Variants in LGALS2 observed in about 807,000 individuals in gnomAD.
The protein encoded by LGALS2 is galectin-2.
A neutral mutation model predicts 10.1 loss-of-function variants in LGALS2; 7 were observed. The ratio of observed to expected loss-of-function variants is 0.70; its 90% CI spans 0.40 to 1.31. LGALS2 has a LOEUF of 1.31. LGALS2 is among the 50% of genes most tolerant of loss of function. The probability of loss-of-function intolerance (pLI) is 0.01; values close to 1 mark genes in which losing one functional copy is unlikely to be tolerated. For missense variants in LGALS2, 167 were observed against 163.6 expected (o/e 1.02, Z -0.11); for synonymous variants, 86 against 64.2 (o/e 1.34, Z -1.63).
At position 37,570,725 on chromosome 22, in the gene LGALS2, T is replaced by G. The variant is rs1925473078; in HGVS notation, c.100A>C (p.Asn34His). 6.2e-7 allele frequency: 1 copy of G among 1,614,202 alleles called. No individual in the cohort carries two copies. Among genetic ancestry groups the G allele is most frequent in the East Asian group, 2.2e-5 (1 of 44,886 alleles). The change falls in exon 3 of 4, where the codon AAT becomes CAT. Residue 34 changes from asparagine (N) to histidine (H), a missense_variant. Transcript: ENST00000215886. ...AGCTTGTCTGTCCCCTGGCCCAGATTAATTACAAAGCTGCAGGAGAAGGGG... is the reference window on the plus strand; with the variant it reads ...AGCTTGTCTGTCCCCTGGCCCAGATGAATTACAAAGCTGCAGGAGAAGGGG... ...IADGTDGFVI[N>H]LGQGTDKLNL...
intron 2 of LGALS2, 134 bp downstream of exon 2, chr22:37,571,715 G>C: frequency 1.4e-6 from 1 of 694,154 alleles, no homozygotes; most frequent in Non-Finnish European, 2.6e-6. Flanking sequence ...GGGGTGTGGG[G>C]AGAAGGGTGT....
intron 2 of LGALS2, among the ~76,000 whole-genome samples, chr22:37,571,362 G>C (rs1022089090): frequency 3.9e-5 from 6 of 152,222 alleles, no homozygotes; most frequent in Admixed American, 1.3e-4. Flanking sequence ...TTCTGCAGGC[G>C]AGAGAGCCTT....
chr22:37,576,306 G>T, intron 1 of LGALS2, among the ~76,000 whole-genome samples: 1 of 151,920 alleles, frequency 6.6e-6, no homozygotes, highest in Non-Finnish European at 1.5e-5. Context: ...CAAAAAATTA[G>T]CCGGGCGTGG....
chr22:37,575,222 G>A (rs113015785), intron 1 of LGALS2, among the ~76,000 whole-genome samples: 16 of 106,108 alleles, frequency 1.5e-4, no homozygotes, highest in Non-Finnish European at 2.2e-4. Context: ...TTTTTTTTGA[G>A]ACAGGGTCTT....
chr22:37,570,279 A>G lies in LGALS2; in HGVS notation c.383T>C (p.Phe128Ser), dbSNP rs751374237. The change falls in exon 4 of 4, where the codon TTC becomes TCC. Residue 128 changes from phenylalanine (F) to serine (S), a missense_variant. Phe to Ser is a radical substitution (Grantham distance 155). Coordinates refer to ENST00000215886, the MANE Select transcript of LGALS2 (RefSeq NM_006498.3). ...GGAAGTCTTTTATTCTTTTAACTTGAAAGAGGACATGTTGAACCCGCCCCT... is the reference window on the plus strand; with the variant it reads ...GGAAGTCTTTTATTCTTTTAACTTGGAAGAGGACATGTTGAACCCGCCCCT... ...SVRGGFNMSS[F>S]KLKE 2.5e-6 allele frequency: 4 copies of G among 1,606,290 alleles called. No individual in the cohort carries two copies. In the African/African-American group the frequency reaches 5.4e-5, roughly 21 times the overall value.
chr22:37,573,583 C>T (rs930237570), intron 1 of LGALS2, among the ~76,000 whole-genome samples: 3 of 152,162 alleles, frequency 2.0e-5, no homozygotes, highest in African/African-American at 4.8e-5. Context: ...GACCCTGTCA[C>T]ACCAGGGAGA....
chr22:37,576,919 C>T (rs1193067580), intron 1 of LGALS2, among the ~76,000 whole-genome samples: 1 of 151,864 alleles, frequency 6.6e-6, no homozygotes, highest in East Asian at 1.9e-4. Context: ...GAGCCTTGTC[C>T]CCACCCAACA....
chr22:37,578,611 T>A (rs1279165999), intron 1 of LGALS2: 1 of 151,636 alleles, frequency 6.6e-6, no homozygotes, highest in Non-Finnish European at 1.5e-5. Context: ...AACCCAGGAG[T>A]TTGATATCAG....
Position 37,570,580 on chromosome 22 carries a change from A to T in LGALS2, c.245T>A (p.Val82Asp), listed in dbSNP as rs1925463100. The change falls in exon 3 of 4, where the codon GTC becomes GAC. Residue 82 changes from valine to aspartate, a missense_variant. Physicochemically the swap from Val to Asp is radical, Grantham distance 152. Coordinates refer to ENST00000215886, the MANE Select transcript of LGALS2 (RefSeq NM_006498.3). ...DHLCFSPGSE[V>D]KFTVTFESDK... Reference sequence around the variant, plus strand: ...CCTTTCCCCCTTTGACCTCACCTTGACCTCTGACCCTGGGCTGAAGCACAG... The same window carrying T: ...CCTTTCCCCCTTTGACCTCACCTTGTCCTCTGACCCTGGGCTGAAGCACAG... 2 of 1,614,006 alleles carry T rather than the reference A, an allele frequency of 1.2e-6. No homozygotes were observed. Among genetic ancestry groups the T allele is most frequent in the Non-Finnish European group, 1.7e-6 (2 of 1,180,004 alleles).
chr22:37,579,971 G>A lies in LGALS2; in HGVS notation c.-66C>T. 14 of 1,579,240 alleles carry A rather than the reference G, an allele frequency of 8.9e-6. No individual in the cohort carries two copies. Among genetic ancestry groups the A allele is most frequent in the East Asian group, 2.2e-5 (1 of 44,614 alleles). ...GCCTGTGCTCAGGGTCTCAACTCGT[G>A]GTCAAGCTTATATCCTAGAATATTA... is the stretch of plus-strand genomic sequence containing the variant. On this transcript the variant is annotated 5_prime_UTR_variant, in exon 1 of 4. Transcript: ENST00000215886.
At chr22:37,574,704 T>C (rs982182758) in intron 1 of LGALS2, among the ~76,000 whole-genome samples, 104 of 152,056 alleles carry the variant, frequency 6.8e-4, no homozygotes, top group African/African-American at 2.1e-3. Context: ...AATGAGCTCA[T>C]TGGACTGGGG....
intron 1 of LGALS2, among the ~76,000 whole-genome samples, chr22:37,579,618 G>C (rs1483835145): frequency 6.6e-6 from 1 of 152,034 alleles, no homozygotes; most frequent in African/African-American, 2.4e-5. Context: ...TTTTTTAGTA[G>C]AGACGGGGTT....
rs907934749 is a variant in LGALS2, at chr22:37,570,464, G to T, written c.250-52C>A. The T allele has an allele frequency of 2.3e-5, 37 of 1,607,308 alleles. No homozygotes were observed. In the Middle Eastern group the frequency reaches 1.4e-3, roughly 61 times the overall value. On this transcript the variant is annotated intron_variant, in intron 3 of 3. Transcript: ENST00000215886. ...GCAGGAGGCCCTGGAAATGGGCCAGGGCAGTGCCTGATGGCTCAAACAAGG... is the reference window on the plus strand; with the variant it reads ...GCAGGAGGCCCTGGAAATGGGCCAGTGCAGTGCCTGATGGCTCAAACAAGG...
At chr22:37,575,242 C>T (rs6000807) in intron 1 of LGALS2, among the ~76,000 whole-genome samples, 72,378 of 144,842 alleles carry the variant, frequency 0.5, 19,205 homozygotes, top group Non-Finnish European at 0.58. Context: ...TGCTCTGTCA[C>T]CCAAGATGGA....
intron 1 of LGALS2, among the ~76,000 whole-genome samples, chr22:37,573,895 T>A (rs1379104562): frequency 4.6e-5 from 7 of 151,940 alleles, no homozygotes; most frequent in African/African-American, 1.7e-4. Flanking sequence ...CATGCCTAAT[T>A]TTTGCATTTT....
chr22:37,579,749 T>A (rs1423602158), intron 1 of LGALS2, 151 bp downstream of exon 1: 1 of 779,432 alleles, frequency 1.3e-6, no homozygotes, highest in Middle Eastern at 3.0e-4. Context: ...TGCTGTTTTT[T>A]AAAAAAAGAC....
Position 37,570,343 on chromosome 22 carries a change from T to C in LGALS2, c.319A>G (p.Asn107Asp). ...CTCAGGTGGCTGTGACCCAGCCTGT[T>C]GGGAAAAGTCAGCTCGTGCCCATCT... ...LPDGHELTFP[N>D]RLGHSHLSYL... is the part of the protein sequence containing the mutation. The change falls in exon 4 of 4, where the codon AAC becomes GAC. Residue 107 changes from asparagine (N) to aspartate (D), a missense_variant. Asn to Asp is a conservative substitution (Grantham distance 23). Coordinates refer to ENST00000215886, the MANE Select transcript of LGALS2 (RefSeq NM_006498.3). 6.2e-7 allele frequency: 1 copy of C among 1,614,136 alleles called. No individual in the cohort carries two copies. The highest frequency in any genetic ancestry group is 8.5e-7 in the Non-Finnish European group (1 of 1,179,976).
At position 37,570,749 on chromosome 22, in the gene LGALS2, G is replaced by T. The variant is rs912270359; in HGVS notation, c.90-14C>A. 6.2e-7 allele frequency: 1 copy of T among 1,614,070 alleles called. No individual in the cohort carries two copies. On this transcript the variant is annotated splice_polypyrimidine_tract_variant and intron_variant, in intron 2 of 3. Coordinates refer to ENST00000215886, the MANE Select transcript of LGALS2 (RefSeq NM_006498.3). Reference sequence around the variant, plus strand: ...TTAATTACAAAGCTGCAGGAGAAGGGGTAGCAGGTGAGGTTCAGGGCTCAG... The same window carrying T: ...TTAATTACAAAGCTGCAGGAGAAGGTGTAGCAGGTGAGGTTCAGGGCTCAG...
chr22:37,576,490 G>A (rs771998043), intron 1 of LGALS2, among the ~76,000 whole-genome samples: 64 of 148,308 alleles, frequency 4.3e-4, no homozygotes, highest in Non-Finnish European at 6.8e-4. Context: ...GTCTCTCACT[G>A]ACAAAGACCA....
Sources: gnomAD v4.1 joint callset for allele counts (sites outside exome capture counted in the v4.1 genomes callset) on GRCh38, gnomAD v4.1.1 for gene constraint, MANE v1.5 for transcripts, NCBI Gene and HGNC (gene_info 2026-07-23, HGNC 2026-07-21) for gene names.